C1orf21: variants seen among roughly 807,000 people sequenced by gnomAD.
C1orf21 encodes the protein chromosome 1 open reading frame 21.
C1orf21 carries 3 observed loss-of-function variants against 18.7 expected under a neutral mutation model. The observed-to-expected ratio is 0.16, with a 90% CI of 0.07 to 0.42. The LOEUF (loss-of-function observed/expected upper bound fraction) is 0.42, where lower values mean the gene tolerates loss of function less well. Among genes scored for constraint, C1orf21 ranks in the 10% least tolerant of loss-of-function variants. The pLI is 0.99. For missense variants in C1orf21, 104 were observed against 143.6 expected, an observed-to-expected ratio of 0.72 and a Z score of 1.41; for synonymous variants, 41 against 46.4, an observed-to-expected ratio of 0.88 and a Z score of 0.47.
At chr1:184,461,362 C>T (rs999802528) in intron 1 of C1orf21, among the ~76,000 whole-genome samples, 8 of 152,178 alleles carry the variant, frequency 5.3e-5, no homozygotes, top group African/African-American at 1.7e-4. Context: ...TAAGCAGCCA[C>T]GCGATGTTGA....
intron 1 of C1orf21, among the ~76,000 whole-genome samples, chr1:184,417,640 TAAAAGA>T (rs1005956933): frequency 9.9e-5 from 15 of 152,194 alleles, no homozygotes; most frequent in African/African-American, 3.6e-4. Context: ...AACGAACAAG[TAAAAGA>T]AAAACTTCAG....
At chr1:184,520,723 T>C (rs75248407) in intron 3 of C1orf21, among the ~76,000 whole-genome samples, 1 of 45,486 alleles carries the variant, frequency 2.2e-5, no homozygotes, top group African/African-American at 1.6e-4. Context: ...AATTGTACTT[T>C]ATTTAATTGT....
At chr1:184,593,272 T>TGC (rs1491570381) in intron 4 of C1orf21, among the ~76,000 whole-genome samples, 2 of 70,694 alleles carry the variant, frequency 2.8e-5, no homozygotes, top group African/African-American at 3.2e-4. Flanking sequence ...GCAGCATGCT[T>TGC]GTGTGTGTGT....
rs189075965 is a variant in C1orf21 at position 184,419,037 on chromosome 1, C to G, written c.-125+31669C>G. ...CTCTAGAGGCTTTCCATAATATGTC[C>G]AAGGGGTCTTTCTGTTGTTTGGTGC... On this transcript the variant is annotated intron_variant, in intron 1 of 5. Coordinates refer to ENST00000235307, the MANE Select transcript of C1orf21 (RefSeq NM_030806.4). Among the ~76,000 whole-genome samples, 164 of 152,126 alleles carry G rather than the reference C, an allele frequency of 1.1e-3. 1 individual carries two copies. Among genetic ancestry groups the G allele is most frequent in the African/African-American group, 3.7e-3 (154 of 41,486 alleles).
intron 3 of C1orf21, among the ~76,000 whole-genome samples, chr1:184,530,569 G>A (rs574323489): frequency 1.2e-4 from 18 of 149,356 alleles, no homozygotes; most frequent in Admixed American, 1.1e-3. Flanking sequence ...AATTTCTCCC[G>A]AGAGTCTTAA....
At chr1:184,435,350 G>A (rs1656840724) in intron 1 of C1orf21, among the ~76,000 whole-genome samples, 1 of 152,104 alleles carries the variant, frequency 6.6e-6, no homozygotes, top group Non-Finnish European at 1.5e-5. Flanking sequence ...TTTTGTCGTT[G>A]TTGTTGCTTT....
chr1:184,500,942 G>A (rs1403614598), intron 2 of C1orf21, among the ~76,000 whole-genome samples: 2 of 152,182 alleles, frequency 1.3e-5, no homozygotes, highest in Non-Finnish European at 2.9e-5. Flanking sequence ...GAGACTTGCT[G>A]TGACTTCTCT....
intron 3 of C1orf21, among the ~76,000 whole-genome samples, chr1:184,510,469 G>A (rs1658127528): frequency 1.3e-5 from 2 of 152,192 alleles, no homozygotes; most frequent in South Asian, 4.1e-4. Context: ...GCTATTCAAA[G>A]GAGGCAGAGA....
At chr1:184,600,333 AT>A (rs1420069906) in intron 5 of C1orf21, among the ~76,000 whole-genome samples, 21 of 151,914 alleles carry the variant, frequency 1.4e-4, no homozygotes, top group African/African-American at 5.1e-4. Flanking sequence ...CGCCCAGCTA[AT>A]TTTTGTATTT....
chr1:184,424,136 C>T (rs1262933870), intron 1 of C1orf21, among the ~76,000 whole-genome samples: 1 of 152,102 alleles, frequency 6.6e-6, no homozygotes, highest in Non-Finnish European at 1.5e-5. Flanking sequence ...TCTTGTAATA[C>T]ACTGACATTC....
chr1:184,425,293 G>T (rs972026756), intron 1 of C1orf21, among the ~76,000 whole-genome samples: 1 of 150,492 alleles, frequency 6.6e-6, no homozygotes, highest in African/African-American at 2.5e-5. Context: ...CTTGAGACAA[G>T]GTCTCGTTCT....
At chr1:184,593,600 G>T (rs759897650) in intron 4 of C1orf21, among the ~76,000 whole-genome samples, 2 of 151,102 alleles carry the variant, frequency 1.3e-5, no homozygotes, top group Non-Finnish European at 2.9e-5. Context: ...TTGAGCTTCA[G>T]TTTTCTCAGA....
chr1:184,473,651 C>G (rs562738362), intron 1 of C1orf21, among the ~76,000 whole-genome samples: 1 of 152,126 alleles, frequency 6.6e-6, no homozygotes, highest in Non-Finnish European at 1.5e-5. Flanking sequence ...TTATATCAGG[C>G]TATAAAAGAG....
intron 3 of C1orf21, among the ~76,000 whole-genome samples, chr1:184,562,342 A>T (rs1011539120): frequency 2.6e-5 from 4 of 152,248 alleles, no homozygotes; most frequent in Admixed American, 6.5e-5. Flanking sequence ...TTTAAACAGC[A>T]GTTATATAGC....
chr1:184,419,977 A>G lies in C1orf21; in HGVS notation c.-125+32609A>G, dbSNP rs182958734. Among the ~76,000 whole-genome samples, 298 of 152,286 alleles carry G rather than the reference A, an allele frequency of 2.0e-3. 2 individuals carry two copies. Among genetic ancestry groups the G allele is most frequent in the Non-Finnish European group, 9.0e-4 (61 of 68,032 alleles). On this transcript the variant is annotated intron_variant, in intron 1 of 5. Coordinates refer to ENST00000235307, the MANE Select transcript of C1orf21 (RefSeq NM_030806.4). ...AATGACATATTCTGCCTTAGTTTTT[A>G]TAGGATCACTGGCTGTGACTCAGAG...
chr1:184,392,819 CTTTTT>C (rs397861528), intron 1 of C1orf21, among the ~76,000 whole-genome samples: 2 of 96,820 alleles, frequency 2.1e-5, no homozygotes, highest in Non-Finnish European at 1.9e-5. Context: ...GACATTCCTC[CTTTTT>C]TTTTTTTTTT....
At chr1:184,449,977 G>C (rs112432484) in intron 1 of C1orf21, among the ~76,000 whole-genome samples, 5 of 152,262 alleles carry the variant, frequency 3.3e-5, no homozygotes, top group African/African-American at 1.2e-4. Context: ...TCTCCTTCCT[G>C]ATGTGCAGGT....
chr1:184,532,842 G>T (rs1236506797), intron 3 of C1orf21, among the ~76,000 whole-genome samples: 2 of 152,154 alleles, frequency 1.3e-5, no homozygotes, highest in African/African-American at 4.8e-5. Flanking sequence ...TCAGAAAAAT[G>T]AGGCTCTGCC....
At chr1:184,440,223 A>G (rs1656922321) in intron 1 of C1orf21, among the ~76,000 whole-genome samples, 1 of 152,036 alleles carries the variant, frequency 6.6e-6, no homozygotes, top group Non-Finnish European at 1.5e-5. Context: ...TTCCTTTTTT[A>G]TTACTATTAT....
Sources: allele counts gnomAD v4.1 joint callset (sites outside exome capture counted in the v4.1 genomes callset), GRCh38; gene constraint gnomAD v4.1.1; transcripts MANE v1.5; gene names NCBI Gene and HGNC (gene_info 2026-07-23, HGNC 2026-07-21).